The following TUBGCP3 variants were observed in gnomAD, a reference collection of about 807,000 sequenced individuals.
The protein encoded by TUBGCP3 is tubulin gamma complex component 3.
Under a neutral mutation model 123.1 loss-of-function variants are expected in TUBGCP3, and 50 were observed. The observed-to-expected ratio is 0.41, with a 90% CI of 0.32 to 0.51. The LOEUF (loss-of-function observed/expected upper bound fraction) is 0.51, where lower values mean the gene tolerates loss of function less well. TUBGCP3 is among the 20% of genes least tolerant of loss of function. The pLI, the probability that TUBGCP3 is intolerant of heterozygous loss-of-function variation, is 0.36. For missense variants in TUBGCP3, 882 were observed against 1,127.0 expected (o/e 0.78, Z 3.11); for synonymous variants, 405 against 413.9 (o/e 0.98, Z 0.26).
At chr13:112,527,696 A>G (rs1169143326) in intron 11 of TUBGCP3, among the ~76,000 whole-genome samples, 1 of 152,262 alleles carries the variant, frequency 6.6e-6, no homozygotes, top group East Asian at 1.9e-4. Flanking sequence ...AAGTATAACA[A>G]AAACAAGTTA....
At chr13:112,516,790 G>A (rs1876170140) in intron 16 of TUBGCP3, among the ~76,000 whole-genome samples, 1 of 152,090 alleles carries the variant, frequency 6.6e-6, no homozygotes, top group Admixed American at 6.6e-5. Flanking sequence ...AGTTTATTAG[G>A]ATTTTCAATC....
chr13:112,593,681 G>GA, the TUBGCP3 span, among the ~76,000 whole-genome samples: 15 of 149,788 alleles, frequency 1.0e-4, no homozygotes, highest in East Asian at 1.6e-3. Flanking sequence ...TCAAAAAAAA[G>GA]AAAAAAAAAG....
At position 112,485,877 on chromosome 13, in the gene TUBGCP3, C is replaced by T. The variant is rs189859035; in HGVS notation, c.*116G>A. ...CCGCTCCGCTGAAACATGGCGCACT[C>T]GTGGGCGGAAGGGCAGGACACCTGC... On this transcript the variant is annotated 3_prime_UTR_variant, in exon 22 of 22. Coordinates refer to ENST00000261965, the MANE Select transcript of TUBGCP3 (RefSeq NM_006322.6). The T allele has an allele frequency of 6.7e-4, 605 of 897,688 alleles. 1 individual carries two copies. In the African/African-American group the frequency reaches 8.9e-3, roughly 13 times the overall value. 55.6% of individuals were successfully genotyped at this position (897,688 alleles called of 1,614,324 possible).
At chr13:112,527,331 A>T in intron 12 of TUBGCP3, 43 bp downstream of exon 12, 3 of 1,348,532 alleles carry the variant, frequency 2.2e-6, no homozygotes, top group East Asian at 4.6e-5. Flanking sequence ...AAGTATACAT[A>T]GCCATAAAAC....
chr13:112,489,854 G>T, intron 20 of TUBGCP3, 157 bp from the exon 21 acceptor site: 1 of 595,730 alleles, frequency 1.7e-6, no homozygotes, highest in Non-Finnish European at 3.0e-6. Context: ...ATGCCAGACT[G>T]CTCTCCAGCT....
chr13:112,589,887 G>A (rs1882845220), upstream of TUBGCP3, among the ~76,000 whole-genome samples: 1 of 152,144 alleles, frequency 6.6e-6, no homozygotes, highest in Non-Finnish European at 1.5e-5. Context: ...CCAAAAACAG[G>A]ACGAGAAAAT....
At chr13:112,593,236 T>C in the TUBGCP3 span, among the ~76,000 whole-genome samples, 1 of 152,062 alleles carries the variant, frequency 6.6e-6, no homozygotes, top group Non-Finnish European at 1.5e-5. Flanking sequence ...CTGGCCAACA[T>C]GGTAAAACCC....
chr13:112,499,459 C>A (rs556232610), intron 19 of TUBGCP3, among the ~76,000 whole-genome samples: 13 of 152,324 alleles, frequency 8.5e-5, no homozygotes, highest in South Asian at 8.3e-4. Context: ...GGGCCAGGAG[C>A]TCTCTGCAAA....
chr13:112,501,317 T>C (rs1341211512), intron 19 of TUBGCP3, among the ~76,000 whole-genome samples: 1 of 152,232 alleles, frequency 6.6e-6, no homozygotes, highest in African/African-American at 2.4e-5. Flanking sequence ...TGTAGTCTAA[T>C]AAAGAATAAT....
At chr13:112,520,448 G>C (rs969956385) in intron 14 of TUBGCP3, among the ~76,000 whole-genome samples, 2 of 152,030 alleles carry the variant, frequency 1.3e-5, no homozygotes, top group Admixed American at 1.3e-4. Context: ...AGAATCGCTT[G>C]AACCCAGGAA....
chr13:112,544,451 T>TAAAAA (rs1878817259), intron 11 of TUBGCP3: 1 of 48,820 alleles, frequency 2.0e-5, no homozygotes, highest in African/African-American at 7.9e-5. Context: ...AGACTCTGTC[T>TAAAAA]CAAAAAAAAA....
rs774055981 is a variant in TUBGCP3 at position 112,519,851 on chromosome 13, CG to C, written c.1881+34del. 17 of 1,601,492 alleles carry C rather than the reference CG, an allele frequency of 1.1e-5. No homozygotes were observed. Among genetic ancestry groups the C allele is most frequent in the Admixed American group, 1.7e-5 (1 of 59,082 alleles). ...CCCCGGCCCAGTGGGTCCTCGGTGC[CG>C]GGGCGGCGTTCCCAACACGCAGAGC... On this transcript the variant is annotated intron_variant, in intron 15 of 21. Transcript: ENST00000261965. The surrounding 1 kb of genome is among the most constrained non-coding windows in gnomAD (Gnocchi z 6.2).
the TUBGCP3 span, among the ~76,000 whole-genome samples, chr13:112,601,659 A>G: frequency 1.3e-5 from 2 of 152,184 alleles, no homozygotes; most frequent in Admixed American, 1.3e-4. Context: ...TGCCCCAGTC[A>G]GGTCCGACTC....
Position 112,522,491 on chromosome 13 carries a change from T to A in TUBGCP3, c.1574A>T (p.Asp525Val). The change falls in exon 14 of 22, where the codon GAC (aspartate) becomes GTC (valine). Residue 525 changes from aspartate (D) to valine (V), a missense_variant. Asp to Val is a radical substitution (Grantham distance 152). This residue lies in a region of TUBGCP3 where 713 missense variants were observed against 874.0 expected (regional missense o/e 0.82). Transcript: ENST00000261965. ...CTTCCCCTGAAATGCATTTTCCAAGTCTGTGAATAGGTCTGCAGCTGTAAA... is the reference window on the plus strand; with the variant it reads ...CTTCCCCTGAAATGCATTTTCCAAGACTGTGAATAGGTCTGCAGCTGTAAA... ...SPQDAADLFT[D>V]LENAFQGKID... 1.2e-6 allele frequency: 2 copies of A among 1,613,490 alleles called. No homozygotes were observed. Among genetic ancestry groups the A allele is most frequent in the Non-Finnish European group, 1.7e-6 (2 of 1,179,454 alleles).
At chr13:112,562,259 AGG>A (rs1254507586) in intron 3 of TUBGCP3, among the ~76,000 whole-genome samples, 2 of 151,886 alleles carry the variant, frequency 1.3e-5, no homozygotes, top group African/African-American at 2.4e-5. Context: ...ACCACCAGCC[AGG>A]ACCTACTAGG....
chr13:112,600,091 A>G, the TUBGCP3 span, among the ~76,000 whole-genome samples: 2 of 152,196 alleles, frequency 1.3e-5, no homozygotes, highest in African/African-American at 4.8e-5. Context: ...TCTCTTCTCC[A>G]TGAAATGGAT....
intron 3 of TUBGCP3, among the ~76,000 whole-genome samples, chr13:112,564,419 G>A (rs1037092219): frequency 2.0e-5 from 3 of 152,214 alleles, no homozygotes; most frequent in African/African-American, 7.2e-5. Flanking sequence ...TCCATAAAAG[G>A]AAAGAAAGCG....
chr13:112,506,646 T>C (rs1465200663), intron 17 of TUBGCP3, among the ~76,000 whole-genome samples: 1 of 152,234 alleles, frequency 6.6e-6, no homozygotes, highest in South Asian at 2.1e-4. Flanking sequence ...ATATGGTCAA[T>C]GTGCATCCGA....
At chr13:112,498,721 T>C (rs1024476945) in intron 20 of TUBGCP3, 4 of 1,460,778 alleles carry the variant, frequency 2.7e-6, no homozygotes, top group Non-Finnish European at 2.7e-6. Context: ...CACAGAGTGA[T>C]GCAGAGCGGA....
Sources: gnomAD v4.1 joint callset for allele counts (sites outside exome capture counted in the v4.1 genomes callset) on GRCh38, gnomAD v4.1.1 for gene constraint, gnomAD v4.1.1 regional missense constraint, Gnocchi (gnomAD v3.1) non-coding constraint, MANE v1.5 for transcripts, NCBI Gene and HGNC (gene_info 2026-07-23, HGNC 2026-07-21) for gene names.